Variants in UPF2 observed in about 807,000 individuals in gnomAD.
The protein encoded by UPF2 is UPF2 regulator of nonsense mediated mRNA decay.
Under a neutral mutation model 141.4 loss-of-function variants are expected in UPF2, and 17 were observed. The ratio of observed to expected loss-of-function variants is 0.12; its 90% CI spans 0.08 to 0.18. UPF2 has a LOEUF of 0.18. UPF2 is among the 10% of genes least tolerant of loss of function. The probability of loss-of-function intolerance (pLI) is 1.00; values close to 1 mark genes in which losing one functional copy is unlikely to be tolerated. For synonymous variants in UPF2, 540 were observed against 498.0 expected (o/e 1.08, Z -1.12); for missense variants, 1,152 against 1,515.9 (o/e 0.76, Z 3.99).
chr10:11,978,147 C>T (rs141242370), intron 9 of UPF2, among the ~76,000 whole-genome samples: 1 of 152,312 alleles, frequency 6.6e-6, no homozygotes, highest in African/African-American at 2.4e-5. Flanking sequence ...TCAACTACAT[C>T]GTGAGTTCCT....
chr10:11,994,051 T>C (rs1024821239), intron 8 of UPF2, among the ~76,000 whole-genome samples: 2 of 151,434 alleles, frequency 1.3e-5, no homozygotes, highest in Non-Finnish European at 2.9e-5. Context: ...ATATATGAAG[T>C]GCTAGAAAAG....
chr10:11,933,384 A>C (rs1250622210), intron 19 of UPF2, among the ~76,000 whole-genome samples: 1 of 152,236 alleles, frequency 6.6e-6, no homozygotes, highest in Admixed American at 6.5e-5. Flanking sequence ...CAAAATTCCA[A>C]ATAAAGTTTA....
chr10:11,988,742 C>G (rs1201594270), intron 8 of UPF2, among the ~76,000 whole-genome samples: 1 of 152,150 alleles, frequency 6.6e-6, no homozygotes, highest in Non-Finnish European at 1.5e-5. Context: ...CCCAAGTGTT[C>G]CAAAGACTCA....
intron 9 of UPF2, among the ~76,000 whole-genome samples, chr10:11,977,381 ACTGGTTCC>A (rs1833522175): frequency 6.6e-6 from 1 of 152,174 alleles, no homozygotes; most frequent in South Asian, 2.1e-4. Flanking sequence ...CTTCGAGAGC[ACTGGTTCC>A]CAAAGTATGC....
intron 3 of UPF2, among the ~76,000 whole-genome samples, chr10:12,026,963 TATA>T (rs1834430352): frequency 6.6e-6 from 1 of 152,202 alleles, no homozygotes; most frequent in Non-Finnish European, 1.5e-5. Context: ...TGAAAATTCC[TATA>T]ATAATTTCTA....
chr10:11,958,709 G>A (rs1833193512), intron 12 of UPF2, among the ~76,000 whole-genome samples: 1 of 152,046 alleles, frequency 6.6e-6, no homozygotes, highest in Admixed American at 6.6e-5. Flanking sequence ...TACCTTCACT[G>A]GAAATTAACC....
intron 1 of UPF2, among the ~76,000 whole-genome samples, chr10:12,041,425 T>TA (rs1294456532): frequency 6.6e-6 from 1 of 151,708 alleles, no homozygotes; most frequent in African/African-American, 2.4e-5. Context: ...ACTTGAACTG[T>TA]ATATTTTATT....
chr10:11,960,726 T>G (rs573380727), intron 11 of UPF2, among the ~76,000 whole-genome samples: 1 of 151,658 alleles, frequency 6.6e-6, no homozygotes, highest in African/African-American at 2.4e-5. Flanking sequence ...GCTATGATCA[T>G]GCCACTGCAC....
chr10:12,029,411 A>C lies in UPF2; in HGVS notation c.479T>G (p.Phe160Cys), dbSNP rs1178867268. The change falls in exon 3 of 22, where the codon TTC (phenylalanine) becomes TGC (cysteine). Residue 160 changes from phenylalanine to cysteine, a missense_variant. Coordinates refer to ENST00000357604, the MANE Select transcript of UPF2 (RefSeq NM_015542.4). ...CAAACTTGAGTCGAGGCGGCTGAAG[A>C]AGTTTTCCTCTGGTCGGCTGTCCGG... ...NAPDSRPEEN[F>C]FSRLDSSLKK... The C allele has an allele frequency of 6.2e-7, 1 of 1,614,208 alleles. No individual in the cohort carries two copies. The highest frequency in any genetic ancestry group is 2.2e-5 in the East Asian group (1 of 44,884).
At chr10:12,039,992 T>C (rs138461826) in intron 1 of UPF2, among the ~76,000 whole-genome samples, 77 of 152,352 alleles carry the variant, frequency 5.1e-4, no homozygotes, top group African/African-American at 1.8e-3. Context: ...TCATGTAGTA[T>C]CTGACAAATT....
intron 11 of UPF2, among the ~76,000 whole-genome samples, chr10:11,961,086 T>A (rs1194572611): frequency 7.3e-6 from 1 of 137,286 alleles, no homozygotes; most frequent in Non-Finnish European, 1.5e-5. Flanking sequence ...GGAGACCCTG[T>A]CTCAAAAAAA....
chr10:12,035,854 G>A (rs1042884092), intron 1 of UPF2: 3 of 153,416 alleles, frequency 2.0e-5, no homozygotes, highest in African/African-American at 7.2e-5. Context: ...CATGAAAGAT[G>A]GCAGTTCACT....
chr10:11,973,340 T>A (rs1190842582), intron 9 of UPF2, among the ~76,000 whole-genome samples: 1 of 152,360 alleles, frequency 6.6e-6, no homozygotes. Context: ...AGGTTGCCTA[T>A]TCACTCTGAT....
chr10:11,964,267 C>T, intron 10 of UPF2, 142 bp from the exon 11 acceptor site: 1 of 466,036 alleles, frequency 2.1e-6, no homozygotes, highest in Middle Eastern at 4.8e-4. Flanking sequence ...TGCTGAGCAT[C>T]TTTTGTGTTC....
chr10:11,989,683 C>T (rs1833748104), intron 8 of UPF2, among the ~76,000 whole-genome samples: 1 of 152,212 alleles, frequency 6.6e-6, no homozygotes, highest in Admixed American at 6.5e-5. Context: ...ACATGCTTCC[C>T]TACATTTTCT....
intron 9 of UPF2, among the ~76,000 whole-genome samples, chr10:11,969,250 C>T (rs1022470366): frequency 2.0e-5 from 3 of 151,566 alleles, no homozygotes; most frequent in African/African-American, 7.3e-5. Flanking sequence ...CCACTGCAAC[C>T]TCTCTGCCTC....
At chr10:12,010,408 C>A (rs1834106673) in intron 4 of UPF2, among the ~76,000 whole-genome samples, 1 of 152,010 alleles carries the variant, frequency 6.6e-6, no homozygotes, top group African/African-American at 2.4e-5. Context: ...TTGAACATGT[C>A]AGATACAAAG....
rs774399554 is a variant in UPF2, at chr10:11,931,625, A to T, written c.3688+16T>A. 2 of 1,579,444 alleles carry T rather than the reference A, an allele frequency of 1.3e-6. No individual in the cohort carries two copies. Among genetic ancestry groups the T allele is most frequent in the Admixed American group, 4.0e-5 (2 of 50,570 alleles). ...GGCAACAAAAATTTCCACTTCTCTT[A>T]TAGATGATTTTATACCTTGATAATC... On this transcript the variant is annotated intron_variant, in intron 20 of 21. Coordinates refer to ENST00000357604, the MANE Select transcript of UPF2 (RefSeq NM_015542.4). This position sits in a 1 kb window ranked among gnomAD's most constrained non-coding sequence, Gnocchi z 5.9.
intron 1 of UPF2, among the ~76,000 whole-genome samples, chr10:12,038,380 A>ACT (rs71513309): frequency 0.045 from 2,929 of 65,648 alleles, 92 homozygotes; most frequent in East Asian, 0.33. Flanking sequence ...ACTCCATCTC[A>ACT]CACACACACA....
Sources: gnomAD v4.1 joint callset for allele counts (sites outside exome capture counted in the v4.1 genomes callset) on GRCh38, gnomAD v4.1.1 for gene constraint, Gnocchi (gnomAD v3.1) non-coding constraint, MANE v1.5 for transcripts, NCBI Gene and HGNC (gene_info 2026-07-23, HGNC 2026-07-21) for gene names.